The following CPEB1 variants were observed in gnomAD, a reference collection of about 807,000 sequenced individuals.
CPEB1 encodes the protein cytoplasmic polyadenylation element-binding protein 1.
Under a neutral mutation model 65.8 loss-of-function variants are expected in CPEB1, and 7 were observed. The observed-to-expected ratio is 0.11, with a 90% CI of 0.06 to 0.20. CPEB1 has a LOEUF of 0.20. Among genes scored for constraint, CPEB1 ranks in the 10% least tolerant of loss-of-function variants. The probability of loss-of-function intolerance (pLI) is 1.00; values close to 1 mark genes in which losing one functional copy is unlikely to be tolerated. For synonymous variants in CPEB1, 262 were observed against 260.0 expected, an observed-to-expected ratio of 1.01 and a Z score of -0.08; for missense variants, 551 against 712.2, an observed-to-expected ratio of 0.77 and a Z score of 2.58.
At chr15:82,612,214 G>C (rs926822539) in intron 3 of CPEB1, among the ~76,000 whole-genome samples, 1 of 152,020 alleles carries the variant, frequency 6.6e-6, no homozygotes, top group African/African-American at 2.4e-5. Flanking sequence ...ATAGAAATTT[G>C]AGCCAGGTGC....
At chr15:82,589,796 A>T (rs1012444969) in intron 3 of CPEB1, among the ~76,000 whole-genome samples, 5 of 152,192 alleles carry the variant, frequency 3.3e-5, no homozygotes, top group African/African-American at 1.2e-4. Flanking sequence ...AACCAACCGC[A>T]GATCAAAAGT....
chr15:82,643,359 C>T (rs1321099193), intron 1 of CPEB1, among the ~76,000 whole-genome samples: 2 of 152,116 alleles, frequency 1.3e-5, no homozygotes, highest in South Asian at 2.1e-4. Context: ...AGGCTGGGCA[C>T]GGTGGCTCAC....
At position 82,552,563 on chromosome 15, in the gene CPEB1, C is replaced by G; in HGVS notation, c.1198G>C (p.Ala400Pro). 1 of 1,613,498 alleles carries G rather than the reference C, an allele frequency of 6.2e-7. No homozygotes were observed. The highest frequency in any genetic ancestry group is 8.5e-7 in the Non-Finnish European group (1 of 1,179,744). Residue 400 changes from alanine to proline, a missense_variant, in exon 9 of 13, where the codon GCT (alanine) becomes CCT (proline). Ala to Pro is a conservative substitution (Grantham distance 27). This residue lies in a region of CPEB1 where 99 missense variants were observed against 161.3 expected (regional missense o/e 0.61). Coordinates refer to ENST00000684509, the MANE Select transcript of CPEB1 (RefSeq NM_001365242.1). Reference sequence around the variant, plus strand: ...GGGCTCAGCGGGTCATGAGAGCAAGCCTGAAGCAAGGATCGGACAGACTTC... The same window carrying G: ...GGGCTCAGCGGGTCATGAGAGCAAGGCTGAAGCAAGGATCGGACAGACTTC... ...LEKSVRSLLQ[A>P]CSHDPLSPDG...
chr15:82,557,116 C>A (rs2150975389), intron 5 of CPEB1, among the ~76,000 whole-genome samples: 1 of 152,174 alleles, frequency 6.6e-6, no homozygotes, highest in East Asian at 1.9e-4. Context: ...ACTAATCTAT[C>A]TATAATATCC....
chr15:82,609,311 C>T (rs1365259775), intron 3 of CPEB1, among the ~76,000 whole-genome samples: 1 of 151,838 alleles, frequency 6.6e-6, no homozygotes, highest in African/African-American at 2.4e-5. Context: ...ACAGCCCAGG[C>T]AACATAGTGA....
chr15:82,644,692 T>C (rs1390859885), intron 1 of CPEB1, among the ~76,000 whole-genome samples: 1 of 152,236 alleles, frequency 6.6e-6, no homozygotes, highest in Non-Finnish European at 1.5e-5. Flanking sequence ...AAGAGGCACA[T>C]ACTCTGTAGT....
intron 3 of CPEB1, among the ~76,000 whole-genome samples, chr15:82,604,353 G>T (rs2043376429): frequency 6.6e-6 from 1 of 152,002 alleles, no homozygotes; most frequent in African/African-American, 2.4e-5. Flanking sequence ...ATGGTAGTGG[G>T]CACCTGTAGT....
At chr15:82,578,036 A>T (rs1211362072) in intron 3 of CPEB1, among the ~76,000 whole-genome samples, 1 of 152,120 alleles carries the variant, frequency 6.6e-6, no homozygotes, top group Admixed American at 6.5e-5. Context: ...GCTAATCGGG[A>T]GGCTGAGGCA....
intron 3 of CPEB1, among the ~76,000 whole-genome samples, chr15:82,619,789 A>G (rs1367097207): frequency 6.6e-6 from 1 of 152,194 alleles, no homozygotes; most frequent in African/African-American, 2.4e-5. Context: ...ATTATTGATG[A>G]GGATATGAAA....
intron 1 of CPEB1, chr15:82,629,799 T>G: frequency 3.0e-6 from 3 of 985,416 alleles, no homozygotes; most frequent in Non-Finnish European, 3.6e-6. Context: ...TTGTTTGGCC[T>G]ACTAAAATCC....
chr15:82,591,842 C>CTT (rs771971142), intron 3 of CPEB1, among the ~76,000 whole-genome samples: 149 of 134,136 alleles, frequency 1.1e-3, no homozygotes, highest in Middle Eastern at 7.9e-3. Context: ...TGTATCAGAA[C>CTT]TTTTTTTTTT....
intron 4 of CPEB1, chr15:82,562,154 CTTTTTT>C (rs66642827): frequency 2.4e-6 from 1 of 415,646 alleles, no homozygotes; most frequent in South Asian, 1.7e-5. Context: ...TCACTAGCTA[CTTTTTT>C]TTTTTTTTTT....
chr15:82,595,005 A>G (rs1046685681), intron 3 of CPEB1, among the ~76,000 whole-genome samples: 5 of 152,206 alleles, frequency 3.3e-5, no homozygotes, highest in Non-Finnish European at 7.3e-5. Flanking sequence ...CAACAGTAAA[A>G]TAAGTTGGAA....
At chr15:82,573,190 G>A (rs752572137) in intron 3 of CPEB1, 2 of 1,525,528 alleles carry the variant, frequency 1.3e-6, no homozygotes, top group East Asian at 2.5e-5. Flanking sequence ...CAGGCACTCA[G>A]GCATAGCCTA....
chr15:82,644,641 A>AT (rs1261110961), intron 1 of CPEB1, among the ~76,000 whole-genome samples: 1 of 152,158 alleles, frequency 6.6e-6, no homozygotes, highest in African/African-American at 2.4e-5. Context: ...CTGGGCCCAC[A>AT]TTTTTGCTGA....
rs570941091 is a variant in CPEB1 at position 82,622,613 on chromosome 15, A to C, written c.271+4580T>G. ...CGCCATGTTGGTCAGGCTGGTCTCA[A>C]ACTCCTGACCTCAAGTGATCTGCCC... On this transcript the variant is annotated intron_variant, in intron 3 of 12. Transcript: ENST00000684509. Among the ~76,000 whole-genome samples the C allele has an allele frequency of 2.8e-4, 42 of 152,204 alleles. No homozygotes were observed. In the East Asian group the frequency reaches 4.2e-3, roughly 15 times the overall value.
At chr15:82,613,803 T>TCC (rs138782668) in intron 3 of CPEB1, among the ~76,000 whole-genome samples, 4 of 151,056 alleles carry the variant, frequency 2.6e-5, no homozygotes, top group South Asian at 2.1e-4. Context: ...GGAAACAAGC[T>TCC]CCCCCCGGGG....
chr15:82,604,927 A>G (rs182852387), intron 3 of CPEB1, among the ~76,000 whole-genome samples: 1 of 150,964 alleles, frequency 6.6e-6, no homozygotes, highest in East Asian at 2.0e-4. Context: ...GATAAGCTCA[A>G]AGAGACCTAC....
chr15:82,567,871 G>A (rs1362838541), intron 4 of CPEB1, among the ~76,000 whole-genome samples: 2 of 152,086 alleles, frequency 1.3e-5, no homozygotes, highest in African/African-American at 2.4e-5. Context: ...CAAAAGAGTC[G>A]CAAGGGGGAA....
Sources: gnomAD v4.1 joint callset for allele counts (sites outside exome capture counted in the v4.1 genomes callset) on GRCh38, gnomAD v4.1.1 for gene constraint, gnomAD v4.1.1 regional missense constraint, MANE v1.5 for transcripts, NCBI Gene and HGNC (gene_info 2026-07-23, HGNC 2026-07-21) for gene names.